Variants in NANOGNB observed in about 807,000 individuals in gnomAD.
NANOGNB encodes homeobox C14.
In NANOGNB, 30 loss-of-function variants were observed where a neutral mutation model predicts 25.0. The ratio of observed to expected loss-of-function variants is 1.20; its 90% CI spans 0.90 to 1.63. The LOEUF (loss-of-function observed/expected upper bound fraction) is 1.63, where lower values mean the gene tolerates loss of function less well. Among genes scored for constraint, NANOGNB ranks in the 40% most tolerant of loss-of-function variants. The probability of loss-of-function intolerance (pLI) is 0.00; values close to 1 mark genes in which losing one functional copy is unlikely to be tolerated. For missense variants in NANOGNB, 200 were observed against 188.1 expected (o/e 1.06, Z -0.37); for synonymous variants, 84 against 62.1 (o/e 1.35, Z -1.66).
In NANOGNB at chr12:7,773,795, A is replaced by G; in HGVS notation, c.516-5A>G. 1 of 606,760 alleles carries G rather than the reference A, an allele frequency of 1.6e-6. No individual in the cohort carries two copies. The highest frequency in any genetic ancestry group is 3.0e-5 in the East Asian group (1 of 32,822). 37.6% of individuals were successfully genotyped at this position (606,760 alleles called of 1,614,324 possible). ...ACTCTTTTTTTTTTTTTTTTTTTTA[A>G]ACAGATGGAGATCTCTGTGTTGCCA... On this transcript the variant is annotated splice_polypyrimidine_tract_variant and splice_region_variant and intron_variant, in intron 3 of 3. Coordinates refer to ENST00000382119, the MANE Select transcript of NANOGNB (RefSeq NM_001145465.1).
rs1187331161 is a variant in NANOGNB at position 7,765,569 on chromosome 12, C to CAAAAAAAAAAAAAAAAAAAA, written c.102+183_102+202dup. On this transcript the variant is annotated intron_variant, in intron 1 of 3. Coordinates refer to ENST00000382119, the MANE Select transcript of NANOGNB (RefSeq NM_001145465.1). Reference sequence around the variant, plus strand: ...TGGGCGACAGAGTGAGACTCCGTCTCAAAAAAAAAAAAAAAAAAAAGAAGT... The same window carrying CAAAAAAAAAAAAAAAAAAAA: ...TGGGCGACAGAGTGAGACTCCGTCTCAAAAAAAAAAAAAAAAAAAAAAAAAAAAAAAAAAAAAAAAGAAGT... Among the ~76,000 whole-genome samples the CAAAAAAAAAAAAAAAAAAAA allele has an allele frequency of 3.2e-3, 154 of 48,620 alleles. 4 individuals carry two copies. The highest frequency in any genetic ancestry group is 5.2e-3 in the Non-Finnish European group (115 of 22,326). The allele number at this position is 48,620 out of a possible 152,430, so 31.9% of individuals were successfully genotyped here.
At chr12:7,769,125 G>C (rs143164317) in intron 1 of NANOGNB, among the ~76,000 whole-genome samples, 10 of 151,918 alleles carry the variant, frequency 6.6e-5, no homozygotes, top group Admixed American at 6.6e-5. Flanking sequence ...CCAAGATTGC[G>C]TAAGACAATT....
At chr12:7,768,380 T>C (rs1181248633) in intron 1 of NANOGNB, among the ~76,000 whole-genome samples, 1 of 152,174 alleles carries the variant, frequency 6.6e-6, no homozygotes, top group East Asian at 1.9e-4. Flanking sequence ...ATAATGGACA[T>C]TAATCTATAG....
rs1275685376 is a variant in NANOGNB at position 7,765,252 on chromosome 12, C to T, written c.-34C>T. On this transcript the variant is annotated 5_prime_UTR_variant, in exon 1 of 4. Coordinates refer to ENST00000382119, the MANE Select transcript of NANOGNB (RefSeq NM_001145465.1). ...CTGGTCGGTCATCTCTGTAACCTCC[C>T]TACCAAGGACTAATTGGTCTTTAAA... 1 of 1,288,698 alleles carries T rather than the reference C, an allele frequency of 7.8e-7. No individual in the cohort carries two copies. Among genetic ancestry groups the T allele is most frequent in the East Asian group, 5.6e-5 (1 of 17,836 alleles). The allele number at this position is 1,288,698 out of a possible 1,614,324, so 79.8% of individuals were successfully genotyped here. A position where few individuals can be genotyped will look rare whatever the true frequency, so the allele number is the denominator to read the frequency against.
In NANOGNB at chr12:7,774,005, C is replaced by A; in HGVS notation, c.*154C>A. On this transcript the variant is annotated 3_prime_UTR_variant, in exon 4 of 4. Coordinates refer to ENST00000382119, the MANE Select transcript of NANOGNB (RefSeq NM_001145465.1). Reference sequence around the variant, plus strand: ...CAGTCGTTGATTCCGTGGAGTAGAACTAAATGAGGGGTATGCAAAGGAGTT... The same window carrying A: ...CAGTCGTTGATTCCGTGGAGTAGAAATAAATGAGGGGTATGCAAAGGAGTT... The A allele has an allele frequency of 2.3e-6, 1 of 430,382 alleles. No individual in the cohort carries two copies. The highest frequency in any genetic ancestry group is 4.1e-6 in the Non-Finnish European group (1 of 245,670). 26.7% of individuals were successfully genotyped at this position (430,382 alleles called of 1,614,324 possible). A position where few individuals can be genotyped will look rare whatever the true frequency, so the allele number is the denominator to read the frequency against.
At chr12:7,767,757 C>CTT (rs59800416) in intron 1 of NANOGNB, among the ~76,000 whole-genome samples, 95 of 136,842 alleles carry the variant, frequency 6.9e-4, no homozygotes, top group African/African-American at 1.9e-3. Flanking sequence ...CCTTTTTCCT[C>CTT]TTTTTTTTTT....
chr12:7,769,912 G>A, intron 1 of NANOGNB, 71 bp from the exon 2 acceptor site: 1 of 1,072,114 alleles, frequency 9.3e-7, no homozygotes, highest in Non-Finnish European at 1.3e-6. Flanking sequence ...TCCCAGGGAA[G>A]ATTGTTGACT....
intron 3 of NANOGNB, among the ~76,000 whole-genome samples, chr12:7,771,462 G>A (rs1050646234): frequency 1.6e-4 from 24 of 151,818 alleles, no homozygotes; most frequent in Non-Finnish European, 1.9e-4. Flanking sequence ...CTTGTGATCC[G>A]CCTGCCTCGG....
chr12:7,772,767 A>G (rs1303394594), intron 3 of NANOGNB, among the ~76,000 whole-genome samples: 2 of 151,578 alleles, frequency 1.3e-5, no homozygotes, highest in African/African-American at 2.4e-5. Context: ...TATTTTTAGT[A>G]TACATTAAGT....
intron 3 of NANOGNB, among the ~76,000 whole-genome samples, 168 bp downstream of exon 3, chr12:7,770,686 C>T (rs1431147560): frequency 6.6e-6 from 1 of 152,108 alleles, no homozygotes; most frequent in African/African-American, 2.4e-5. Flanking sequence ...CATCTCGGCT[C>T]ACCGCACCCT....
At chr12:7,773,618 C>T (rs956072181) in intron 3 of NANOGNB, among the ~76,000 whole-genome samples, 182 bp from the exon 4 acceptor site, 3 of 136,392 alleles carry the variant, frequency 2.2e-5, no homozygotes, top group Admixed American at 7.9e-5. Context: ...CCCAGCTACT[C>T]GGGAGGCTGA....
chr12:7,769,223 G>A (rs1012432900), intron 1 of NANOGNB, among the ~76,000 whole-genome samples: 11 of 151,930 alleles, frequency 7.2e-5, no homozygotes, highest in African/African-American at 1.2e-4. Flanking sequence ...GCAATGGTGC[G>A]ATATCGGCTT....
At chr12:7,772,917 A>G (rs1388959605) in intron 3 of NANOGNB, among the ~76,000 whole-genome samples, 1 of 152,062 alleles carries the variant, frequency 6.6e-6, no homozygotes, top group Non-Finnish European at 1.5e-5. Flanking sequence ...TTCCAGGCCC[A>G]GGATCTATTC....
chr12:7,773,546 CAAAAAAAAAAAAAA>C (rs869038102), intron 3 of NANOGNB, among the ~76,000 whole-genome samples: 3 of 15,444 alleles, frequency 1.9e-4, no homozygotes, highest in South Asian at 5.7e-3. Context: ...ACTAAAAATA[CAAAAAAAAAAAAAA>C]AAAAAAAAAA....
chr12:7,770,279 A>G lies in NANOGNB; in HGVS notation c.399A>G (p.Leu133=), dbSNP rs753353332. 2.2e-5 allele frequency: 34 copies of G among 1,534,124 alleles called. No individual in the cohort carries two copies. The highest frequency in any genetic ancestry group is 2.9e-5 in the Non-Finnish European group (33 of 1,142,118). The change falls in exon 2 of 4, where the codon CTA becomes CTG. Residue 133 remains leucine, a synonymous_variant. Coordinates refer to ENST00000382119, the MANE Select transcript of NANOGNB (RefSeq NM_001145465.1). ...LNRCPTIQES[L]SLSFEFDMTH... The stretch of plus-strand genomic sequence containing the variant: ...GGTGCCCCACTATACAAGAGAGTCT[A>G]TCACTGTCATTTGAATTTGACATGA...
Position 7,773,792 on chromosome 12 carries a change from TTA to T in NANOGNB, c.516-7_516-6del. 4.7e-6 allele frequency: 3 copies of T among 645,096 alleles called. No homozygotes were observed. Among genetic ancestry groups the T allele is most frequent in the South Asian group, 1.7e-5 (1 of 58,764 alleles). The allele number at this position is 645,096 out of a possible 1,614,324, so 40.0% of individuals were successfully genotyped here. On this transcript the variant is annotated splice_polypyrimidine_tract_variant and splice_region_variant and intron_variant, in intron 3 of 3. Coordinates refer to ENST00000382119, the MANE Select transcript of NANOGNB (RefSeq NM_001145465.1). ...GAAACTCTTTTTTTTTTTTTTTTTT[TTA>T]AACAGATGGAGATCTCTGTGTTGCC...
Position 7,770,018 on chromosome 12 carries a change from A to G in NANOGNB, c.138A>G (p.Glu46=), listed in dbSNP as rs1865277261. The G allele has an allele frequency of 8.5e-6, 13 of 1,528,940 alleles. No homozygotes were observed. The highest frequency in any genetic ancestry group is 1.1e-5 in the Non-Finnish European group (13 of 1,141,772). 94.7% of individuals were successfully genotyped at this position (1,528,940 alleles called of 1,614,324 possible). A position where few individuals can be genotyped will look rare whatever the true frequency, so the allele number is the denominator to read the frequency against. ...CTATGCCTTGGGATCAAGATCCAGA[A>G]CAATCAACTGGAAATTACAGTGAAG... is the stretch of plus-strand genomic sequence containing the variant. ...QSAMPWDQDP[E]QSTGNYSEDE... The change falls in exon 2 of 4, where the codon GAA becomes GAG. Residue 46 remains glutamate (E), a synonymous_variant. Transcript: ENST00000382119.
chr12:7,765,701 C>T (rs1020848374), intron 1 of NANOGNB, among the ~76,000 whole-genome samples: 11 of 151,688 alleles, frequency 7.3e-5, no homozygotes, highest in Non-Finnish European at 1.3e-4. Context: ...AGCTTTTTGA[C>T]TCAAACCACT....
chr12:7,773,473 G>A (rs1862604576), intron 3 of NANOGNB, among the ~76,000 whole-genome samples: 1 of 147,078 alleles, frequency 6.8e-6, no homozygotes, highest in Non-Finnish European at 1.5e-5. Context: ...GGCCAAGGCA[G>A]GTGGATCACC....
Sources: gnomAD v4.1 joint callset for allele counts (sites outside exome capture counted in the v4.1 genomes callset) on GRCh38, gnomAD v4.1.1 for gene constraint, MANE v1.5 for transcripts, NCBI Gene and HGNC (gene_info 2026-07-23, HGNC 2026-07-21) for gene names.